The following SCN10A variants were observed in gnomAD, a reference collection of about 807,000 sequenced individuals.
SCN10A encodes the protein sodium channel protein type 10 subunit alpha.
A neutral mutation model predicts 170.7 loss-of-function variants in SCN10A; 162 were observed. The ratio of observed to expected loss-of-function variants is 0.95; its 90% CI spans 0.84 to 1.08. SCN10A has a LOEUF of 1.08. Ranked by LOEUF, SCN10A falls within the 50% of genes least tolerant of loss-of-function variation. SCN10A has a pLI of 0.00. For synonymous variants in SCN10A, 985 were observed against 904.6 expected (o/e 1.09, Z -1.59); for missense variants, 2,527 against 2,436.9 (o/e 1.04, Z -0.78).
chr3:38,701,783 T>C (rs2063158266), intron 27 of SCN10A, 56 bp downstream of exon 27: 13 of 1,512,604 alleles, frequency 8.6e-6, no homozygotes, highest in Middle Eastern at 1.8e-4. Flanking sequence ...TAGAAGAGCA[T>C]CCCAAAGACC....
Position 38,697,681 on chromosome 3 carries a change from G to A in SCN10A, c.5539C>T (p.Arg1847Ter), listed in dbSNP as rs199503439. 1.2e-4 allele frequency: 195 copies of A among 1,613,992 alleles called. No homozygotes were observed. The highest frequency in any genetic ancestry group is 1.6e-4 in the Non-Finnish European group (189 of 1,180,034). The change falls in exon 28 of 28, where the codon CGA becomes TGA. Residue 1847 changes from arginine to a stop codon, truncating the protein, a stop_gained. Transcript: ENST00000449082. LOFTEE classifies it low-confidence loss of function (END_TRUNC). The stretch of plus-strand genomic sequence containing the variant: ...GCTGAAATGTCTTCTTGCTTCCATC[G>A]GAGAGTGGTTGCTATTGGTTCATAG... ...SSYEPIATTL[R>*]WKQEDISATV...
chr3:38,791,659 T>C (rs2064282417), intron 3 of SCN10A, among the ~76,000 whole-genome samples: 1 of 152,200 alleles, frequency 6.6e-6, no homozygotes, highest in African/African-American at 2.4e-5. Context: ...CTATCTCATC[T>C]GCCCAAAGAA....
At chr3:38,798,786 CTTTTT>C (rs35930968) in intron 1 of SCN10A, among the ~76,000 whole-genome samples, 2 of 97,732 alleles carry the variant, frequency 2.0e-5, no homozygotes, top group Non-Finnish European at 3.8e-5. Context: ...CCCTTGCCTC[CTTTTT>C]TTTTTTTTTT....
intron 5 of SCN10A, among the ~76,000 whole-genome samples, chr3:38,768,676 C>G (rs2063962872): frequency 6.6e-6 from 1 of 152,088 alleles, no homozygotes; most frequent in African/African-American, 2.4e-5. Context: ...TCTCACAGCT[C>G]TTAAGATTCT....
At position 38,793,931 on chromosome 3, in the gene SCN10A, T is replaced by C. The variant is rs367571651; in HGVS notation, c.80A>G (p.Gln27Arg). The change falls in exon 2 of 28, where the codon CAA becomes CGA. Residue 27 changes from glutamine to arginine, a missense_variant. Physicochemically the swap from Gln to Arg is conservative, Grantham distance 43. Coordinates refer to ENST00000449082, the MANE Select transcript of SCN10A (RefSeq NM_006514.4). ...TPESLVEIEK[Q>R]IAAKQGTKKA... is the part of the protein sequence containing the mutation. ...CTTTGTTCCCTGCTTGGCAGCAATT[T>C]GCTTCTCTATCTCCACCAGTGACTC... 5.0e-5 allele frequency: 80 copies of C among 1,613,974 alleles called. No individual in the cohort carries two copies. Among genetic ancestry groups the C allele is most frequent in the Non-Finnish European group, 6.7e-5 (79 of 1,179,950 alleles).
intron 26 of SCN10A, among the ~76,000 whole-genome samples, chr3:38,703,088 C>G (rs1025982225): frequency 3.3e-5 from 5 of 152,180 alleles, no homozygotes; most frequent in African/African-American, 1.2e-4. Flanking sequence ...CTGGCGTTCT[C>G]CTTGTTCACC....
rs761597194 is a variant in SCN10A, at chr3:38,771,370, T to G, written c.508A>C (p.Ile170Leu). 4 of 1,614,126 alleles carry G rather than the reference T, an allele frequency of 2.5e-6. No individual in the cohort carries two copies. Among genetic ancestry groups the G allele is most frequent in the Non-Finnish European group, 3.4e-6 (4 of 1,179,998 alleles). ...CAAAATCCTCTTGCCAGTATCTTTA[T>G]CAAGGCTTCAAAGGTGTAAATGACA... ...FTVIYTFEAL[I>L]KILARGFCLN... Residue 170 changes from isoleucine (I) to leucine (L), a missense_variant, in exon 5 of 28, where the codon ATA becomes CTA. Coordinates refer to ENST00000449082, the MANE Select transcript of SCN10A (RefSeq NM_006514.4).
chr3:38,725,262 C>A lies in SCN10A; in HGVS notation c.3140G>T (p.Ser1047Ile). Reference sequence around the variant, plus strand: ...CTCAGAAGATGTTCCAGTGCCTGGGCTCCTGGGTGTCAGGTGGTCCCCACA... The same window carrying A: ...CTCAGAAGATGTTCCAGTGCCTGGGATCCTGGGTGTCAGGTGGTCCCCACA... ...ERCGDHLTPR[S>I]PGTGTSSEDL... The change falls in exon 18 of 28, where the codon AGC becomes ATC. Residue 1047 changes from serine (S) to isoleucine (I), a missense_variant. Ser to Ile is a moderately radical substitution (Grantham distance 142). Transcript: ENST00000449082. 6.2e-7 allele frequency: 1 copy of A among 1,603,336 alleles called. No individual in the cohort carries two copies. Among genetic ancestry groups the A allele is most frequent in the East Asian group, 2.2e-5 (1 of 44,718 alleles).
Position 38,757,021 on chromosome 3 carries a change from C to G in SCN10A, c.1089G>C (p.Gln363His). The change falls in exon 9 of 28, where the codon CAG becomes CAC. Residue 363 changes from glutamine (Q) to histidine (H), a missense_variant. Physicochemically the swap from Gln to His is conservative, Grantham distance 24. Coordinates refer to ENST00000449082, the MANE Select transcript of SCN10A (RefSeq NM_006514.4). ...MTQDSWERLY[Q>H]QTLRTSGKIY... ...GTGGGGGAATGCAGCTCAGTACCTG[C>G]TGGTAGAGGCGTTCCCAGGAATCCT... 1 of 1,609,128 alleles carries G rather than the reference C, an allele frequency of 6.2e-7. No homozygotes were observed. Among genetic ancestry groups the G allele is most frequent in the Non-Finnish European group, 8.5e-7 (1 of 1,177,666 alleles).
chr3:38,804,423 A>G (rs756215869), intron 1 of SCN10A, among the ~76,000 whole-genome samples: 18 of 152,056 alleles, frequency 1.2e-4, no homozygotes, highest in Non-Finnish European at 2.2e-4. Flanking sequence ...ATTTTTGTTC[A>G]TTATTTATCT....
chr3:38,738,143 G>A (rs1303947987), intron 15 of SCN10A, among the ~76,000 whole-genome samples: 2 of 151,950 alleles, frequency 1.3e-5, no homozygotes, highest in African/African-American at 2.4e-5. Context: ...GTTTCACCAT[G>A]TTGCCCTTGA....
At chr3:38,796,644 C>T (rs2064343147) in intron 1 of SCN10A, among the ~76,000 whole-genome samples, 1 of 152,134 alleles carries the variant, frequency 6.6e-6, no homozygotes, top group Admixed American at 6.6e-5. Context: ...TTTCCATATT[C>T]CCCTTCCTTT....
chr3:38,737,540 T>C (rs1023946538), intron 15 of SCN10A, among the ~76,000 whole-genome samples: 1 of 152,190 alleles, frequency 6.6e-6, no homozygotes, highest in Non-Finnish European at 1.5e-5. Flanking sequence ...TACCATCAGC[T>C]TAGGCAGATG....
At chr3:38,792,313 G>T in intron 2 of SCN10A, 145 bp from the exon 3 acceptor site, 1 of 996,300 alleles carries the variant, frequency 1.0e-6, no homozygotes, top group Non-Finnish European at 1.5e-6. Flanking sequence ...GTCAAATGCA[G>T]GTACAGAGAG....
Position 38,789,032 on chromosome 3 carries a change from A to G in SCN10A, c.394T>C (p.Phe132Leu). The change falls in exon 4 of 28, where the codon TTC (phenylalanine) becomes CTC (leucine). Residue 132 changes from phenylalanine (F) to leucine (L), a missense_variant. Transcript: ENST00000449082. Reference protein sequence around the residue: ...TAIKVSVHSWFSLFITVTILV... With the variant: ...TAIKVSVHSWLSLFITVTILV... ...ATAGTGACCGTAATAAATAAACTGA[A>G]CCACCTGAAAGGCCTGTGTTAAGGA... The G allele has an allele frequency of 1.2e-6, 2 of 1,606,536 alleles. No individual in the cohort carries two copies. The highest frequency in any genetic ancestry group is 1.7e-6 in the Non-Finnish European group (2 of 1,173,500).
At chr3:38,791,925 G>T (rs1426083983) in intron 3 of SCN10A, 125 bp downstream of exon 3, 3 of 1,268,064 alleles carry the variant, frequency 2.4e-6, no homozygotes, top group Admixed American at 2.3e-5. Context: ...TCAATCTAAT[G>T]ACCTCATTGT....
At chr3:38,792,972 C>T (rs756391400) in intron 2 of SCN10A, among the ~76,000 whole-genome samples, 2 of 151,576 alleles carry the variant, frequency 1.3e-5, no homozygotes, top group African/African-American at 4.9e-5. Context: ...TGTATATATG[C>T]TTATATACCT....
At chr3:38,810,105 C>A (rs879451827) in intron 1 of SCN10A, among the ~76,000 whole-genome samples, 1 of 152,154 alleles carries the variant, frequency 6.6e-6, no homozygotes, top group Admixed American at 6.5e-5. Context: ...AAAGCATGAG[C>A]CCCTGCTCAT....
chr3:38,803,642 C>A (rs1157996614), intron 1 of SCN10A, among the ~76,000 whole-genome samples: 2 of 111,612 alleles, frequency 1.8e-5, no homozygotes, highest in African/African-American at 7.2e-5. Context: ...ACACACTGGG[C>A]CTGTCGTGAG....
Sources: allele counts gnomAD v4.1 joint callset (sites outside exome capture counted in the v4.1 genomes callset), GRCh38; gene constraint gnomAD v4.1.1; transcripts MANE v1.5; gene names NCBI Gene and HGNC (gene_info 2026-07-23, HGNC 2026-07-21).